B3GALT1: variants seen among roughly 807,000 people sequenced by gnomAD.
B3GALT1 encodes the protein beta-1,3-galactosyltransferase 1, also known as UDP-Gal:betaGlcNAc beta 1,3-galactosyltransferase, polypeptide 1.
Under a neutral mutation model 23.2 loss-of-function variants are expected in B3GALT1, and 10 were observed. That is an observed-to-expected ratio of 0.43 (90% CI 0.27 to 0.73). The LOEUF (loss-of-function observed/expected upper bound fraction) is 0.73, where lower values mean the gene tolerates loss of function less well. B3GALT1 is among the 30% of genes least tolerant of loss of function. B3GALT1 has a pLI of 0.21. For synonymous variants in B3GALT1, 156 were observed against 141.5 expected (o/e 1.10, Z -0.73); for missense variants, 299 against 405.4 (o/e 0.74, Z 2.25).
chr2:167,805,680 G>T (rs936515180), intron 3 of B3GALT1, among the ~76,000 whole-genome samples: 1 of 152,132 alleles, frequency 6.6e-6, no homozygotes, highest in African/African-American at 2.4e-5. Flanking sequence ...CTGTTCCTTT[G>T]ATCTATATCT....
intron 2 of B3GALT1, among the ~76,000 whole-genome samples, chr2:167,609,722 C>T (rs1294811180): frequency 6.6e-6 from 1 of 152,150 alleles, no homozygotes; most frequent in African/African-American, 2.4e-5. Context: ...GAGAGGGTCA[C>T]TGGCAAAGAG....
At chr2:167,469,134 G>A (rs1203730607) in intron 1 of B3GALT1, among the ~76,000 whole-genome samples, 1 of 152,136 alleles carries the variant, frequency 6.6e-6, no homozygotes, top group Admixed American at 6.5e-5. Flanking sequence ...AAATATGTAA[G>A]GTGAGCTATG....
chr2:167,349,874 C>G (rs1697283285), intron 1 of B3GALT1, among the ~76,000 whole-genome samples: 1 of 152,046 alleles, frequency 6.6e-6, no homozygotes, highest in Non-Finnish European at 1.5e-5. Flanking sequence ...ATGGCGCATA[C>G]TTACATCAAT....
At chr2:167,536,751 A>T (rs1683435323) in intron 2 of B3GALT1, among the ~76,000 whole-genome samples, 1 of 152,150 alleles carries the variant, frequency 6.6e-6, no homozygotes, top group African/African-American at 2.4e-5. Flanking sequence ...GAAGGAACCA[A>T]TGTACCCAGG....
At chr2:167,536,896 A>C (rs1014608156) in intron 2 of B3GALT1, among the ~76,000 whole-genome samples, 1 of 152,010 alleles carries the variant, frequency 6.6e-6, no homozygotes, top group East Asian at 2.0e-4. Context: ...CTGCCCTTCA[A>C]CTCCAACACT....
At chr2:167,525,973 T>C (rs745481683) in intron 2 of B3GALT1, among the ~76,000 whole-genome samples, 5 of 152,076 alleles carry the variant, frequency 3.3e-5, no homozygotes, top group Non-Finnish European at 7.4e-5. Flanking sequence ...CCCCAACATT[T>C]TGTTCCTTGA....
rs530063571 is a variant in B3GALT1 at position 167,543,693 on chromosome 2, T to G, written c.-410+53416T>G. The stretch of plus-strand genomic sequence containing the variant: ...TAAAGGATAAAATAGGGGGAAAAAG[T>G]AGCACTGAAAAAAGTGTTTAGTAGG... On this transcript the variant is annotated intron_variant, in intron 2 of 4. Coordinates refer to ENST00000392690, the MANE Select transcript of B3GALT1 (RefSeq NM_020981.4). 5.3e-5 allele frequency among the ~76,000 whole-genome samples: 8 copies of G among 152,278 alleles called. No homozygotes were observed. The South Asian group carries it at 1.7e-3, about 32-fold the overall frequency.
intron 2 of B3GALT1, among the ~76,000 whole-genome samples, chr2:167,645,303 A>G (rs1193538281): frequency 2.0e-5 from 3 of 152,198 alleles, no homozygotes; most frequent in Non-Finnish European, 4.4e-5. Flanking sequence ...AATGGAAGAT[A>G]ATTTTTAAAT....
chr2:167,592,457 A>C (rs2105416887), intron 2 of B3GALT1, among the ~76,000 whole-genome samples: 1 of 152,326 alleles, frequency 6.6e-6, no homozygotes, highest in South Asian at 2.1e-4. Context: ...TTGTGGACAT[A>C]GAAATTTCAT....
intron 3 of B3GALT1, among the ~76,000 whole-genome samples, chr2:167,670,474 C>T (rs1225884688): frequency 6.6e-6 from 1 of 152,082 alleles, no homozygotes; most frequent in East Asian, 1.9e-4. Flanking sequence ...AACAACAATG[C>T]AAGATTTCAA....
At chr2:167,491,970 A>G (rs1446910614) in intron 2 of B3GALT1, among the ~76,000 whole-genome samples, 1 of 152,214 alleles carries the variant, frequency 6.6e-6, no homozygotes, top group African/African-American at 2.4e-5. Context: ...ATGACTCAGT[A>G]TTGCTAGAGC....
intron 1 of B3GALT1, among the ~76,000 whole-genome samples, chr2:167,310,826 A>C (rs1696624412): frequency 6.6e-6 from 1 of 152,070 alleles, no homozygotes; most frequent in African/African-American, 2.4e-5. Context: ...AGAGACCTTG[A>C]GGCTTAGACT....
Position 167,576,631 on chromosome 2 carries a change from T to C in B3GALT1, c.-409-70278T>C, listed in dbSNP as rs1176191202. On this transcript the variant is annotated intron_variant, in intron 2 of 4. Coordinates refer to ENST00000392690, the MANE Select transcript of B3GALT1 (RefSeq NM_020981.4). Reference sequence around the variant, plus strand: ...GGTTTCAGATCCAATCACTGTGACATACATAAGATAGATAGTCACTAAATA... The same window carrying C: ...GGTTTCAGATCCAATCACTGTGACACACATAAGATAGATAGTCACTAAATA... Among the ~76,000 whole-genome samples the C allele has an allele frequency of 6.7e-5, 10 of 149,212 alleles. No individual in the cohort carries two copies. The East Asian group carries it at 1.8e-3, about 27-fold the overall frequency.
rs192664512 is a variant in B3GALT1 at position 167,811,858 on chromosome 2, A to T, written c.-351-6814A>T. Among the ~76,000 whole-genome samples, 540 of 152,304 alleles carry T rather than the reference A, an allele frequency of 3.5e-3. 1 individual carries two copies. Among genetic ancestry groups the T allele is most frequent in the Middle Eastern group, 0.024 (7 of 294 alleles). On this transcript the variant is annotated intron_variant, in intron 3 of 4. Transcript: ENST00000392690. Reference sequence around the variant, plus strand: ...AGGAGGAGGATTGTTTTCCCAGCACATATCAGGTCAAGATGCCATCCTTTA... The same window carrying T: ...AGGAGGAGGATTGTTTTCCCAGCACTTATCAGGTCAAGATGCCATCCTTTA...
At chr2:167,560,615 A>G (rs987906411) in intron 2 of B3GALT1, among the ~76,000 whole-genome samples, 1 of 152,084 alleles carries the variant, frequency 6.6e-6, no homozygotes, top group Non-Finnish European at 1.5e-5. Context: ...AGGAAGATCT[A>G]CCAAGCAAAT....
At chr2:167,391,309 CTA>C (rs942916632) in intron 1 of B3GALT1, among the ~76,000 whole-genome samples, 2 of 152,184 alleles carry the variant, frequency 1.3e-5, no homozygotes, top group Non-Finnish European at 2.9e-5. Flanking sequence ...TATTTTTTAA[CTA>C]TGTGAGCTCC....
chr2:167,584,271 A>G (rs1684544881), intron 2 of B3GALT1, among the ~76,000 whole-genome samples: 1 of 152,212 alleles, frequency 6.6e-6, no homozygotes. Flanking sequence ...TTAAGGGGCC[A>G]AGATTTCCAG....
chr2:167,737,932 T>A (rs1005546441), intron 3 of B3GALT1, among the ~76,000 whole-genome samples: 4 of 152,168 alleles, frequency 2.6e-5, no homozygotes, highest in Non-Finnish European at 5.9e-5. Flanking sequence ...GAATGATTGA[T>A]TAAACTAGAT....
Position 167,638,798 on chromosome 2 carries a change from T to C in B3GALT1, c.-409-8111T>C, listed in dbSNP as rs557212681. Among the ~76,000 whole-genome samples, 25 of 152,190 alleles carry C rather than the reference T, an allele frequency of 1.6e-4. No individual in the cohort carries two copies. The Middle Eastern group carries it at 0.01, about 62-fold the overall frequency. The stretch of plus-strand genomic sequence containing the variant: ...CTTATTGATGGTTTTCAAGTCTTTC[T>C]TGAATATCAAACTTTTAGTGTTAAT... On this transcript the variant is annotated intron_variant, in intron 2 of 4. Transcript: ENST00000392690.
Sources: allele counts gnomAD v4.1 joint callset (sites outside exome capture counted in the v4.1 genomes callset), GRCh38; gene constraint gnomAD v4.1.1; transcripts MANE v1.5; gene names NCBI Gene and HGNC (gene_info 2026-07-23, HGNC 2026-07-21).